The following RASA1 variants were observed in gnomAD, a reference collection of about 807,000 sequenced individuals.
RASA1 encodes ras GTPase-activating protein 1.
In RASA1, 25 loss-of-function variants were observed where a neutral mutation model predicts 132.2. The ratio of observed to expected loss-of-function variants is 0.19; its 90% CI spans 0.14 to 0.26. The LOEUF (loss-of-function observed/expected upper bound fraction) is 0.26. Among genes scored for constraint, RASA1 ranks in the 10% least tolerant of loss-of-function variants. The pLI is 1.00. For missense variants in RASA1, 964 were observed against 1,299.2 expected (o/e 0.74, Z 3.97); for synonymous variants, 477 against 449.9 (o/e 1.06, Z -0.76).
chr5:87,372,749 T>A (rs1253156062), intron 13 of RASA1, among the ~76,000 whole-genome samples: 1 of 152,168 alleles, frequency 6.6e-6, no homozygotes, highest in Non-Finnish European at 1.5e-5. Flanking sequence ...TTCTTTTTAG[T>A]AATCCCTGTA....
At chr5:87,312,428 A>AT (rs1755992537) in intron 1 of RASA1, among the ~76,000 whole-genome samples, 1 of 152,218 alleles carries the variant, frequency 6.6e-6, no homozygotes, top group Non-Finnish European at 1.5e-5. Flanking sequence ...CAGTTACTCC[A>AT]TTATGTGTAA....
intron 1 of RASA1, among the ~76,000 whole-genome samples, chr5:87,300,490 C>T (rs1360883729): frequency 6.6e-6 from 1 of 152,024 alleles, no homozygotes; most frequent in Non-Finnish European, 1.5e-5. Flanking sequence ...CCTAACAAGA[C>T]CCTGTCTCAA....
intron 22 of RASA1, 105 bp from the exon 23 acceptor site, chr5:87,386,721 G>T: frequency 2.2e-6 from 2 of 910,968 alleles, no homozygotes; most frequent in Non-Finnish European, 3.6e-6. Flanking sequence ...TGGTGCAATA[G>T]TAATTGCAGT....
rs1363178393 is a variant in RASA1, at chr5:87,352,785, T to A, written c.1254-372T>A. Among the ~76,000 whole-genome samples, 3 of 151,762 alleles carry A rather than the reference T, an allele frequency of 2.0e-5. No individual in the cohort carries two copies. In the East Asian group the frequency reaches 5.8e-4, roughly 29 times the overall value. On this transcript the variant is annotated intron_variant, in intron 8 of 24. Transcript: ENST00000274376. Reference sequence around the variant, plus strand: ...AACTCTGCTTCCTAAATAAATGCCATGTTTCTGTGAATTCTTCATTCTTAG... The same window carrying A: ...AACTCTGCTTCCTAAATAAATGCCAAGTTTCTGTGAATTCTTCATTCTTAG...
In RASA1 at chr5:87,390,989, C is replaced by A; in HGVS notation, c.*106C>A. ...TGCCAAAAAATAGCACACTTTTCCA[C>A]ATTCCAGTGATGTGTGAGCTATGCA... On this transcript the variant is annotated 3_prime_UTR_variant, in exon 25 of 25. Transcript: ENST00000274376. 8.9e-7 allele frequency: 1 copy of A among 1,128,880 alleles called. No individual in the cohort carries two copies. The allele number at this position is 1,128,880 out of a possible 1,614,324, so 69.9% of individuals were successfully genotyped here.
intron 15 of RASA1, 66 bp downstream of exon 15, chr5:87,374,982 T>C: frequency 1.3e-6 from 2 of 1,537,652 alleles, no homozygotes; most frequent in South Asian, 1.2e-5. Context: ...AAATTCACAA[T>C]GAAAGTCTTA....
At chr5:87,337,819 A>G (rs1344353983) in intron 4 of RASA1, among the ~76,000 whole-genome samples, 155 bp from the exon 5 acceptor site, 1 of 152,152 alleles carries the variant, frequency 6.6e-6, no homozygotes, top group African/African-American at 2.4e-5. Context: ...CATGTGGATA[A>G]TGCCAGAAAT....
chr5:87,285,541 A>C (rs996395103), intron 1 of RASA1, among the ~76,000 whole-genome samples: 2 of 148,712 alleles, frequency 1.3e-5, no homozygotes, highest in Non-Finnish European at 3.0e-5. Flanking sequence ...GATATGTGGA[A>C]TTGTAATGCA....
intron 1 of RASA1, among the ~76,000 whole-genome samples, chr5:87,287,319 TAC>T (rs1352082383): frequency 6.8e-6 from 1 of 145,996 alleles, no homozygotes; most frequent in Non-Finnish European, 1.5e-5. Context: ...ACCATATATA[TAC>T]ACCATATATA....
intron 6 of RASA1, 146 bp from the exon 7 acceptor site, chr5:87,346,526 A>T: frequency 1.0e-5 from 5 of 498,006 alleles, no homozygotes; most frequent in African/African-American, 1.9e-5. Flanking sequence ...AAAATGTATT[A>T]AAATGTAATA....
chr5:87,374,459 A>ATATT lies in RASA1; in HGVS notation c.1934+140_1934+141insATTT, dbSNP rs1342092258. On this transcript the variant is annotated intron_variant, in intron 14 of 24. Coordinates refer to ENST00000274376, the MANE Select transcript of RASA1 (RefSeq NM_002890.3). The stretch of plus-strand genomic sequence containing the variant: ...TCTAATAGCATATATATATATATAT[A>ATATT]TTTTTTTTTTTTTTTTCTGTTGTTT... 83 of 167,788 alleles carry ATATT rather than the reference A, an allele frequency of 4.9e-4. 1 individual carries two copies. The highest frequency in any genetic ancestry group is 2.3e-3 in the African/African-American group (78 of 33,434). 10.4% of individuals were successfully genotyped at this position (167,788 alleles called of 1,614,324 possible).
chr5:87,378,436 C>T lies in RASA1; in HGVS notation c.2385C>T (p.Ser795=). ...TATTTCGAGCCACAACACTTGCAAG[C>T]ACCTTGATGGAGCAGTATATGAAAG... ...TTLFRATTLA[S]TLMEQYMKAT... Residue 795 remains serine (S), a synonymous_variant, in exon 18 of 25, where the codon AGC becomes AGT. Coordinates refer to ENST00000274376, the MANE Select transcript of RASA1 (RefSeq NM_002890.3). 6.2e-7 allele frequency: 1 copy of T among 1,612,802 alleles called. No individual in the cohort carries two copies. Among genetic ancestry groups the T allele is most frequent in the South Asian group, 1.1e-5 (1 of 91,058 alleles).
chr5:87,373,013 T>C (rs1176995551), intron 13 of RASA1, among the ~76,000 whole-genome samples: 1 of 152,136 alleles, frequency 6.6e-6, no homozygotes, highest in Non-Finnish European at 1.5e-5. Flanking sequence ...TTCATAACAT[T>C]GTAACATTTT....
chr5:87,359,418 G>A (rs1299941721), intron 9 of RASA1, among the ~76,000 whole-genome samples: 1 of 152,170 alleles, frequency 6.6e-6, no homozygotes, highest in Non-Finnish European at 1.5e-5. Flanking sequence ...GTGATGTTGT[G>A]TTTTTGCCCA....
intron 1 of RASA1, among the ~76,000 whole-genome samples, chr5:87,283,289 A>G (rs984599504): frequency 1.3e-5 from 2 of 151,678 alleles, no homozygotes; most frequent in African/African-American, 4.8e-5. Flanking sequence ...GTTTTTAATG[A>G]TAGCTGATTG....
chr5:87,331,248 A>C (rs762093082), intron 1 of RASA1, 100 bp from the exon 2 acceptor site: 2 of 1,230,694 alleles, frequency 1.6e-6, no homozygotes, highest in South Asian at 1.2e-5. Flanking sequence ...TTTAAGTTAC[A>C]TGTAGGCATT....
chr5:87,379,594 A>C, intron 18 of RASA1, 141 bp from the exon 19 acceptor site: 1 of 1,188,938 alleles, frequency 8.4e-7, no homozygotes. Flanking sequence ...AAAAACTCCC[A>C]TTATACAAAG....
intron 5 of RASA1, among the ~76,000 whole-genome samples, chr5:87,339,591 C>T (rs1758291283): frequency 6.6e-6 from 1 of 151,910 alleles, no homozygotes; most frequent in South Asian, 2.1e-4. Flanking sequence ...ACAAGATAAC[C>T]TTTAAAGAAA....
At chr5:87,306,400 T>C (rs1755613463) in intron 1 of RASA1, among the ~76,000 whole-genome samples, 2 of 152,130 alleles carry the variant, frequency 1.3e-5, no homozygotes, top group African/African-American at 2.4e-5. Flanking sequence ...CTCTCACTTA[T>C]AAGTGGGAGC....
Sources: gnomAD v4.1 joint callset for allele counts (sites outside exome capture counted in the v4.1 genomes callset) on GRCh38, gnomAD v4.1.1 for gene constraint, MANE v1.5 for transcripts, NCBI Gene and HGNC (gene_info 2026-07-23, HGNC 2026-07-21) for gene names.